Variants in DPYD observed in about 807,000 individuals in gnomAD.
DPYD encodes the protein dihydropyrimidine dehydrogenase [NADP(+)].
DPYD carries 109 observed loss-of-function variants against 116.2 expected under a neutral mutation model. That is an observed-to-expected ratio of 0.94 (90% CI 0.80 to 1.10). The LOEUF is 1.10. DPYD is among the 50% of genes least tolerant of loss of function. The pLI is 0.00. For synonymous variants in DPYD, 440 were observed against 432.0 expected, an observed-to-expected ratio of 1.02 and a Z score of -0.23; for missense variants, 1,302 against 1,254.5, an observed-to-expected ratio of 1.04 and a Z score of -0.57.
chr1:97,773,264 A>G (rs879917080), intron 3 of DPYD, among the ~76,000 whole-genome samples: 3 of 152,248 alleles, frequency 2.0e-5, no homozygotes, highest in Admixed American at 2.0e-4. Flanking sequence ...TAAAATTTGA[A>G]TCCAGGAAAT....
At chr1:97,372,057 C>T (rs1252712253) in intron 16 of DPYD, among the ~76,000 whole-genome samples, 3 of 152,116 alleles carry the variant, frequency 2.0e-5, no homozygotes, top group African/African-American at 7.2e-5. Context: ...TTCAGATGTG[C>T]TCATATAGCA....
chr1:97,213,214 C>T (rs1434083915), intron 19 of DPYD, among the ~76,000 whole-genome samples: 1 of 152,118 alleles, frequency 6.6e-6, no homozygotes, highest in African/African-American at 2.4e-5. Flanking sequence ...CCAACATATA[C>T]ATTTTGGGGG....
At chr1:97,209,757 T>A (rs572356523) in intron 19 of DPYD, among the ~76,000 whole-genome samples, 2 of 152,168 alleles carry the variant, frequency 1.3e-5, no homozygotes, top group African/African-American at 4.8e-5. Context: ...TGAGGAAATA[T>A]GCTAAATATT....
intron 14 of DPYD, among the ~76,000 whole-genome samples, chr1:97,400,206 T>C (rs1673289951): frequency 6.6e-6 from 1 of 152,218 alleles, no homozygotes; most frequent in Non-Finnish European, 1.5e-5. Context: ...ATTGAGATAA[T>C]CATGTGGTTT....
intron 4 of DPYD, among the ~76,000 whole-genome samples, chr1:97,738,178 T>C (rs113702350): frequency 2.8e-4 from 43 of 152,320 alleles, no homozygotes; most frequent in African/African-American, 9.1e-4. Context: ...ACTGATCTCA[T>C]GCATTCTCAT....
intron 18 of DPYD, among the ~76,000 whole-genome samples, chr1:97,303,812 G>T (rs557555139): frequency 6.6e-6 from 1 of 151,982 alleles, no homozygotes; most frequent in South Asian, 2.1e-4. Context: ...TAAGCTTATA[G>T]CCCAAGTGAA....
chr1:97,544,109 A>G lies in DPYD; in HGVS notation c.1524+5451T>C, dbSNP rs188759462. ...TTTTAAATGAGCTAATTAGGATTCA[A>G]CTGATAATCTAGAAAGATGACTCTG... On this transcript the variant is annotated intron_variant, in intron 12 of 22. Transcript: ENST00000370192. Among the ~76,000 whole-genome samples the G allele has an allele frequency of 8.5e-5, 13 of 152,330 alleles. No individual in the cohort carries two copies. The East Asian group carries it at 2.5e-3, about 29-fold the overall frequency.
At chr1:97,413,100 C>G (rs1557695308) in intron 14 of DPYD, among the ~76,000 whole-genome samples, 1 of 152,024 alleles carries the variant, frequency 6.6e-6, no homozygotes, top group Non-Finnish European at 1.5e-5. Flanking sequence ...GTCCCTGGCC[C>G]CATATTTGGA....
chr1:97,555,142 T>C (rs568474605), intron 11 of DPYD, among the ~76,000 whole-genome samples: 4 of 152,236 alleles, frequency 2.6e-5, no homozygotes, highest in Non-Finnish European at 5.9e-5. Context: ...CATCCAACAG[T>C]TGAATGGCAT....
chr1:97,144,959 A>C (rs1215405753), intron 20 of DPYD, among the ~76,000 whole-genome samples: 3 of 152,192 alleles, frequency 2.0e-5, no homozygotes, highest in African/African-American at 7.2e-5. Flanking sequence ...ATGTGGAGAA[A>C]AGGAAGATAT....
chr1:97,300,819 A>T (rs2101020834), intron 18 of DPYD, among the ~76,000 whole-genome samples: 1 of 152,144 alleles, frequency 6.6e-6, no homozygotes, highest in East Asian at 1.9e-4. Flanking sequence ...CACATAAACT[A>T]TGCGATGTGA....
At chr1:97,693,138 A>T (rs1441363048) in intron 6 of DPYD, among the ~76,000 whole-genome samples, 1 of 151,802 alleles carries the variant, frequency 6.6e-6, no homozygotes, top group Non-Finnish European at 1.5e-5. Flanking sequence ...AAAATACAAA[A>T]AAATTAGCCA....
At chr1:97,911,018 T>C (rs1402536666) in intron 1 of DPYD, among the ~76,000 whole-genome samples, 1 of 152,104 alleles carries the variant, frequency 6.6e-6, no homozygotes, top group Non-Finnish European at 1.5e-5. Flanking sequence ...TTTACCAATA[T>C]TCAAACAAAT....
chr1:97,620,546 C>G (rs1656573668), intron 8 of DPYD, among the ~76,000 whole-genome samples: 1 of 152,146 alleles, frequency 6.6e-6, no homozygotes, highest in Non-Finnish European at 1.5e-5. Context: ...GGCAACATCT[C>G]ATAGGTTATT....
At position 97,330,467 on chromosome 1, in the gene DPYD, A is replaced by C. The variant is rs184276998; in HGVS notation, c.2059-24170T>G. Among the ~76,000 whole-genome samples, 132 of 152,294 alleles carry C rather than the reference A, an allele frequency of 8.7e-4. 1 individual carries two copies. Among genetic ancestry groups the C allele is most frequent in the African/African-American group, 2.9e-3 (119 of 41,580 alleles). ...CTTATTTGATGATACTCATTAATTCATTCACTCCACAAATATGTATTCAAC... is the reference window on the plus strand; with the variant it reads ...CTTATTTGATGATACTCATTAATTCCTTCACTCCACAAATATGTATTCAAC... On this transcript the variant is annotated intron_variant, in intron 16 of 22. Transcript: ENST00000370192.
At chr1:97,581,767 A>G (rs1653696260) in intron 10 of DPYD, among the ~76,000 whole-genome samples, 1 of 148,916 alleles carries the variant, frequency 6.7e-6, no homozygotes, top group South Asian at 2.1e-4. Flanking sequence ...AAAAAAAAAA[A>G]GAAAGGACAG....
At chr1:97,765,993 C>A (rs891808860) in intron 3 of DPYD, among the ~76,000 whole-genome samples, 1 of 152,114 alleles carries the variant, frequency 6.6e-6, no homozygotes, top group Non-Finnish European at 1.5e-5. Context: ...CCTATAATCG[C>A]AGCACTTCAG....
At chr1:97,497,054 C>CT (rs527329692) in intron 13 of DPYD, among the ~76,000 whole-genome samples, 7 of 151,798 alleles carry the variant, frequency 4.6e-5, no homozygotes, top group South Asian at 4.2e-4. Flanking sequence ...TCAGGCAAGT[C>CT]TTTTTTTAAC....
At chr1:97,224,703 ACT>A (rs1263561540) in intron 19 of DPYD, among the ~76,000 whole-genome samples, 3 of 149,562 alleles carry the variant, frequency 2.0e-5, no homozygotes, top group African/African-American at 4.9e-5. Context: ...CTACAGTTCT[ACT>A]CTCTAAGTAG....
Sources: gnomAD v4.1 joint callset for allele counts (sites outside exome capture counted in the v4.1 genomes callset) on GRCh38, gnomAD v4.1.1 for gene constraint, MANE v1.5 for transcripts, NCBI Gene and HGNC (gene_info 2026-07-23, HGNC 2026-07-21) for gene names.